Variants in JHY observed in about 807,000 individuals in gnomAD.
The protein encoded by JHY is jhy protein homolog.
Under a neutral mutation model 78.0 loss-of-function variants are expected in JHY, and 69 were observed. The ratio of observed to expected loss-of-function variants is 0.88; its 90% CI spans 0.73 to 1.08. The LOEUF (loss-of-function observed/expected upper bound fraction) is 1.08. JHY is among the 50% of genes least tolerant of loss of function. The probability of loss-of-function intolerance (pLI) is 0.00; values close to 1 mark genes in which losing one functional copy is unlikely to be tolerated. For missense variants in JHY, 944 were observed against 927.8 expected (o/e 1.02, Z -0.23); for synonymous variants, 368 against 342.6 (o/e 1.07, Z -0.82).
At chr11:122,909,340 A>G (rs1198420795) in intron 3 of JHY, among the ~76,000 whole-genome samples, 1 of 152,220 alleles carries the variant, frequency 6.6e-6, no homozygotes, top group East Asian at 1.9e-4. Context: ...AAAGTAAAAC[A>G]TAATGGCCAA....
chr11:122,894,917 T>C (rs1862707832), intron 2 of JHY, among the ~76,000 whole-genome samples: 1 of 152,242 alleles, frequency 6.6e-6, no homozygotes, highest in Non-Finnish European at 1.5e-5. Flanking sequence ...CTTAAATTTT[T>C]AGCAGAATAA....
At chr11:122,926,203 A>AAG (rs1297363567) in intron 4 of JHY, among the ~76,000 whole-genome samples, 2 of 89,560 alleles carry the variant, frequency 2.2e-5, no homozygotes, top group African/African-American at 6.3e-5. Context: ...AAAAAAAAAA[A>AAG]AAAGAAAAAA....
rs1864265907 is a variant in JHY at position 122,959,511 on chromosome 11, C to G, written c.*66C>G. 4.9e-6 allele frequency: 7 copies of G among 1,427,238 alleles called. No homozygotes were observed. The highest frequency in any genetic ancestry group is 6.8e-6 in the Non-Finnish European group (7 of 1,024,366). The allele number at this position is 1,427,238 out of a possible 1,614,324, so 88.4% of individuals were successfully genotyped here. On this transcript the variant is annotated 3_prime_UTR_variant, in exon 9 of 9. Transcript: ENST00000227349. ...TGAACGTGGAGAAAAGAAACGCCAACCACCTTCTCTGCGTTGAGAGTAATG... is the reference window on the plus strand; with the variant it reads ...TGAACGTGGAGAAAAGAAACGCCAAGCACCTTCTCTGCGTTGAGAGTAATG...
chr11:122,900,511 C>CTTTTTTTT (rs374998954), intron 2 of JHY, among the ~76,000 whole-genome samples: 95 of 65,022 alleles, frequency 1.5e-3, no homozygotes, highest in Middle Eastern at 0.034. Flanking sequence ...ATACTACCAG[C>CTTTTTTTT]TTTTTTTTTT....
At chr11:122,909,319 T>C (rs982104230) in intron 3 of JHY, among the ~76,000 whole-genome samples, 4 of 152,172 alleles carry the variant, frequency 2.6e-5, no homozygotes, top group Admixed American at 2.0e-4. Flanking sequence ...AACACAAATA[T>C]ACTCCTTGAG....
chr11:122,929,597 G>T (rs1024472467), intron 4 of JHY, among the ~76,000 whole-genome samples: 1 of 152,106 alleles, frequency 6.6e-6, no homozygotes, highest in Non-Finnish European at 1.5e-5. Flanking sequence ...GAGATTGTTC[G>T]CAATCTAAGC....
chr11:122,884,381 C>G (rs1862450369), intron 1 of JHY, among the ~76,000 whole-genome samples: 1 of 151,674 alleles, frequency 6.6e-6, no homozygotes, highest in Admixed American at 6.6e-5. Flanking sequence ...CAAGAGCAAG[C>G]CATTAAGACA....
At position 122,883,415 on chromosome 11, in the gene JHY, T is replaced by C. The variant is rs984279374; in HGVS notation, c.-90+443T>C. ...TTGGTGAGCCCAAGCAGGGTTCCTT[T>C]TCCCCTCCAGGAGAAAGTTCGATTG... On this transcript the variant is annotated intron_variant, in intron 1 of 8. Coordinates refer to ENST00000227349, the MANE Select transcript of JHY (RefSeq NM_024806.4). This position sits in a 1 kb window ranked among gnomAD's most constrained non-coding sequence, Gnocchi z 4.4. 1.3e-5 allele frequency among the ~76,000 whole-genome samples: 2 copies of C among 152,342 alleles called. No homozygotes were observed. Among genetic ancestry groups the C allele is most frequent in the Admixed American group, 6.5e-5 (1 of 15,308 alleles).
rs1473471574 is a variant in JHY at position 122,882,775 on chromosome 11, T to G, written c.-287T>G. On this transcript the variant is annotated 5_prime_UTR_variant, in exon 1 of 9. Transcript: ENST00000227349. Reference sequence around the variant, plus strand: ...GTCGTTATTACGGCCGTTTGCAGCCTCCGTGCCAGGGCCGGGGGTGCGGTT... The same window carrying G: ...GTCGTTATTACGGCCGTTTGCAGCCGCCGTGCCAGGGCCGGGGGTGCGGTT... 1 of 152,738 alleles carries G rather than the reference T, an allele frequency of 6.5e-6. No homozygotes were observed. The highest frequency in any genetic ancestry group is 1.5e-5 in the Non-Finnish European group (1 of 68,052). 9.5% of individuals were successfully genotyped at this position (152,738 alleles called of 1,614,324 possible).
In JHY at chr11:122,921,384, A is replaced by G. The variant is rs185440024; in HGVS notation, c.865-3513A>G. 2.4e-3 allele frequency among the ~76,000 whole-genome samples: 371 copies of G among 152,350 alleles called. 1 individual carries two copies. Among genetic ancestry groups the G allele is most frequent in the African/African-American group, 8.5e-3 (354 of 41,576 alleles). On this transcript the variant is annotated intron_variant, in intron 3 of 8. Transcript: ENST00000227349. The stretch of plus-strand genomic sequence containing the variant: ...TCAGCATCCTCATGGCAGATCTATG[A>G]AAGAGTTCAACTTCCTTTTTTCCCA...
chr11:122,913,043 T>C (rs897876244), intron 3 of JHY, among the ~76,000 whole-genome samples: 3 of 151,932 alleles, frequency 2.0e-5, no homozygotes, highest in Admixed American at 6.6e-5. Context: ...ATGAAAGAGA[T>C]ATAACTTCAG....
intron 5 of JHY, among the ~76,000 whole-genome samples, chr11:122,942,626 G>T (rs561881511): frequency 9.5e-4 from 145 of 152,190 alleles, no homozygotes; most frequent in African/African-American, 3.4e-3. Flanking sequence ...GTTTCACCAT[G>T]TTGGCCAGGC....
At chr11:122,903,833 CTG>C (rs1862915365) in intron 2 of JHY, 90 bp from the exon 3 acceptor site, 11 of 1,457,172 alleles carry the variant, frequency 7.5e-6, no homozygotes, top group South Asian at 1.4e-5. Context: ...AGGAGAAAGA[CTG>C]AGATTGATTT....
At chr11:122,903,481 A>T (rs979709490) in intron 2 of JHY, among the ~76,000 whole-genome samples, 5 of 152,028 alleles carry the variant, frequency 3.3e-5, no homozygotes, top group African/African-American at 2.4e-5. Context: ...TTAATCAATT[A>T]ATTTATTTAT....
intron 6 of JHY, among the ~76,000 whole-genome samples, chr11:122,954,302 C>T (rs1864148566): frequency 6.6e-6 from 1 of 152,190 alleles, no homozygotes; most frequent in South Asian, 2.1e-4. Context: ...ACACTGTACC[C>T]CAGCAAACTT....
chr11:122,911,744 A>G lies in JHY; in HGVS notation c.864+7300A>G, dbSNP rs186466273. Among the ~76,000 whole-genome samples, 248 of 151,440 alleles carry G rather than the reference A, an allele frequency of 1.6e-3. 5 individuals carry two copies. The highest frequency in any genetic ancestry group is 7.8e-4 in the Non-Finnish European group (53 of 67,858). On this transcript the variant is annotated intron_variant, in intron 3 of 8. Transcript: ENST00000227349. ...AACATGGAGAAACCCCATCTCTACT[A>G]AAAATACAAAATTAGCTGAGCGTGG...
intron 6 of JHY, among the ~76,000 whole-genome samples, chr11:122,955,721 A>G (rs953570055): frequency 2.6e-5 from 4 of 152,206 alleles, no homozygotes; most frequent in African/African-American, 9.7e-5. Flanking sequence ...TCTCTTGAAT[A>G]TTATAAATAG....
intron 2 of JHY, among the ~76,000 whole-genome samples, chr11:122,902,675 G>T (rs909944703): frequency 2.6e-5 from 4 of 152,146 alleles, no homozygotes; most frequent in Non-Finnish European, 5.9e-5. Context: ...GGGGGAGCAG[G>T]CCTCTTACGG....
At chr11:122,891,944 G>A (rs3134435) in intron 2 of JHY, among the ~76,000 whole-genome samples, 144,004 of 152,290 alleles carry the variant, frequency 0.95, 68,163 homozygotes, top group Middle Eastern at 0.98. Context: ...GACAATTTCA[G>A]TATAGATTAA....
Sources: gnomAD v4.1 joint callset for allele counts (sites outside exome capture counted in the v4.1 genomes callset) on GRCh38, gnomAD v4.1.1 for gene constraint, Gnocchi (gnomAD v3.1) non-coding constraint, MANE v1.5 for transcripts, NCBI Gene and HGNC (gene_info 2026-07-23, HGNC 2026-07-21) for gene names.